Variants in IL6ST observed in about 807,000 individuals in gnomAD.
The protein encoded by IL6ST is interleukin 6 cytokine family signal transducer, also known as interleukin-6 receptor subunit beta.
A neutral mutation model predicts 91.3 loss-of-function variants in IL6ST; 24 were observed. The observed-to-expected ratio is 0.26, with a 90% CI of 0.19 to 0.37. The LOEUF (loss-of-function observed/expected upper bound fraction) is 0.37. Ranked by LOEUF, IL6ST falls within the 10% of genes least tolerant of loss-of-function variation. The probability of loss-of-function intolerance (pLI) is 1.00; values close to 1 mark genes in which losing one functional copy is unlikely to be tolerated. For missense variants in IL6ST, 914 were observed against 1,078.5 expected (o/e 0.85, Z 2.14); for synonymous variants, 351 against 373.6 (o/e 0.94, Z 0.70).
intron 1 of IL6ST, among the ~76,000 whole-genome samples, chr5:55,992,736 G>A (rs1172937952): frequency 6.6e-6 from 1 of 151,982 alleles, no homozygotes; most frequent in African/African-American, 2.4e-5. Context: ...TCCTACCCAG[G>A]TTTCAAGGCC....
At chr5:55,948,192 CTAAAAAG>C (rs1271584634) in intron 14 of IL6ST, among the ~76,000 whole-genome samples, 2 of 152,096 alleles carry the variant, frequency 1.3e-5, no homozygotes, top group Non-Finnish European at 2.9e-5. Flanking sequence ...TAGGAATAAA[CTAAAAAG>C]TAAACAAGCC....
chr5:55,954,408 C>T (rs1751832389), intron 11 of IL6ST, among the ~76,000 whole-genome samples: 1 of 152,202 alleles, frequency 6.6e-6, no homozygotes, highest in African/African-American at 2.4e-5. Flanking sequence ...TCTAGTTCTG[C>T]TTCCTCTATC....
chr5:55,977,802 G>A (rs1180278721), intron 2 of IL6ST, among the ~76,000 whole-genome samples: 1 of 151,938 alleles, frequency 6.6e-6, no homozygotes, highest in Non-Finnish European at 1.5e-5. Flanking sequence ...CTCCAGCATG[G>A]GCAACAGAGC....
chr5:55,958,808 C>T (rs149858803), intron 8 of IL6ST, among the ~76,000 whole-genome samples: 1 of 145,154 alleles, frequency 6.9e-6, no homozygotes, highest in African/African-American at 2.6e-5. Flanking sequence ...CACTGCACTC[C>T]AGCCTGGGCA....
chr5:55,964,349 C>T (rs757262781), intron 5 of IL6ST, 37 bp from the exon 6 acceptor site: 7 of 1,491,244 alleles, frequency 4.7e-6, no homozygotes, highest in African/African-American at 1.4e-5. Flanking sequence ...TCATTAAAAA[C>T]ACATCTGAAA....
chr5:55,983,718 T>C (rs1010351188), intron 1 of IL6ST, among the ~76,000 whole-genome samples: 2 of 152,224 alleles, frequency 1.3e-5, no homozygotes, highest in Non-Finnish European at 2.9e-5. Context: ...AAGTGCACTA[T>C]AATCCCACCA....
In IL6ST at chr5:55,942,738, T is replaced by C; in HGVS notation, c.1951A>G (p.Ile651Val). ...GAAGGATCTGGAACATTAGGCCAGA[T>C]GTGTTTTTTAATTCTGAAGAGAAAA... is the stretch of plus-strand genomic sequence containing the variant. ...FNKRDLIKKH[I>V]WPNVPDPSKS... The change falls in exon 16 of 17, where the codon ATC becomes GTC. Residue 651 changes from isoleucine (I) to valine (V), a missense_variant. Coordinates refer to ENST00000381298, the MANE Select transcript of IL6ST (RefSeq NM_002184.4). The C allele has an allele frequency of 6.2e-7, 1 of 1,604,416 alleles. No homozygotes were observed. Among genetic ancestry groups the C allele is most frequent in the East Asian group, 2.2e-5 (1 of 44,704 alleles).
rs1440199589 is a variant in IL6ST, at chr5:55,939,008, A to C, written c.*2074T>G. 1 of 205,090 alleles carries C rather than the reference A, an allele frequency of 4.9e-6. No homozygotes were observed. Among genetic ancestry groups the C allele is most frequent in the Non-Finnish European group, 1.0e-5 (1 of 100,204 alleles). 12.7% of individuals were successfully genotyped at this position (205,090 alleles called of 1,614,324 possible). A position where few individuals can be genotyped will look rare whatever the true frequency, so the allele number is the denominator to read the frequency against. On this transcript the variant is annotated 3_prime_UTR_variant, in exon 17 of 17. Transcript: ENST00000381298. ...TGTAGATTAAGAGTTCATATTGTAT[A>C]TCTGACCCTGAAATGTACAAACTTC...
intron 5 of IL6ST, among the ~76,000 whole-genome samples, chr5:55,967,667 C>T (rs11739048): frequency 0.24 from 36,614 of 151,740 alleles, 6,915 homozygotes; most frequent in African/African-American, 0.53. Flanking sequence ...ATATGATGCC[C>T]GCGATTCTCT....
chr5:55,990,097 C>T (rs1754225692), intron 1 of IL6ST, among the ~76,000 whole-genome samples: 1 of 152,156 alleles, frequency 6.6e-6, no homozygotes, highest in Non-Finnish European at 1.5e-5. Context: ...CCAAATGTAA[C>T]AGGGCAACAG....
At chr5:55,992,079 C>T (rs187912671) in intron 1 of IL6ST, among the ~76,000 whole-genome samples, 2 of 152,314 alleles carry the variant, frequency 1.3e-5, no homozygotes, top group Admixed American at 1.3e-4. Context: ...CTCTGCTGTG[C>T]ACTACAAACT....
At chr5:55,985,340 C>A (rs1561204708) in intron 1 of IL6ST, among the ~76,000 whole-genome samples, 1 of 151,822 alleles carries the variant, frequency 6.6e-6, no homozygotes, top group Non-Finnish European at 1.5e-5. Context: ...TATGGTGAAA[C>A]CCTGTCTCTA....
chr5:55,945,700 G>C (rs1323211856), intron 15 of IL6ST, among the ~76,000 whole-genome samples: 3 of 121,206 alleles, frequency 2.5e-5, no homozygotes, highest in Non-Finnish European at 4.9e-5. Context: ...ACCCAGGTTG[G>C]AGTGCAGTGA....
In IL6ST at chr5:55,938,998, C is replaced by T. The variant is rs72763898; in HGVS notation, c.*2084G>A. On this transcript the variant is annotated 3_prime_UTR_variant, in exon 17 of 17. Transcript: ENST00000381298. The stretch of plus-strand genomic sequence containing the variant: ...TTCTCATTCCTGTAGATTAAGAGTT[C>T]ATATTGTATATCTGACCCTGAAATG... The T allele has an allele frequency of 3.5e-4, 72 of 205,320 alleles. No homozygotes were observed. The highest frequency in any genetic ancestry group is 5.5e-4 in the Non-Finnish European group (55 of 100,316). The allele number at this position is 205,320 out of a possible 1,614,324, so 12.7% of individuals were successfully genotyped here. A position where few individuals can be genotyped will look rare whatever the true frequency, so the allele number is the denominator to read the frequency against.
intron 2 of IL6ST, among the ~76,000 whole-genome samples, chr5:55,981,254 G>C (rs1040372107): frequency 6.6e-6 from 1 of 152,182 alleles, no homozygotes; most frequent in East Asian, 1.9e-4. Flanking sequence ...TATGGGACTT[G>C]ATTTCATAGT....
At chr5:55,984,386 T>C (rs1244488266) in intron 1 of IL6ST, among the ~76,000 whole-genome samples, 1 of 152,168 alleles carries the variant, frequency 6.6e-6, no homozygotes, top group African/African-American at 2.4e-5. Context: ...TATGGGCAGA[T>C]TTAATTGGAT....
rs534075368 is a variant in IL6ST, at chr5:55,935,255, A to G, written c.*5827T>C. The G allele has an allele frequency of 5.4e-6, 1 of 185,036 alleles. No individual in the cohort carries two copies. The highest frequency in any genetic ancestry group is 8.8e-5 in the East Asian group (1 of 11,404). The allele number at this position is 185,036 out of a possible 1,614,324, so 11.5% of individuals were successfully genotyped here. On this transcript the variant is annotated 3_prime_UTR_variant, in exon 17 of 17. Transcript: ENST00000381298. Reference sequence around the variant, plus strand: ...AATTCTCACTAAAAAAAGCTCAAAAATAAGAAATGACAATTCTAGATACAC... The same window carrying G: ...AATTCTCACTAAAAAAAGCTCAAAAGTAAGAAATGACAATTCTAGATACAC...
chr5:55,957,384 T>C, intron 8 of IL6ST, 93 bp from the exon 9 acceptor site: 1 of 625,562 alleles, frequency 1.6e-6, no homozygotes, highest in Non-Finnish European at 2.7e-6. Context: ...CTTAATACTC[T>C]TGCCCTCCAA....
At chr5:55,952,680 A>C (rs1409867353) in intron 11 of IL6ST, among the ~76,000 whole-genome samples, 1 of 152,244 alleles carries the variant, frequency 6.6e-6, no homozygotes, top group African/African-American at 2.4e-5. Flanking sequence ...AAGAGAGAAC[A>C]GCCTAAGGAG....
Sources: gnomAD v4.1 joint callset for allele counts (sites outside exome capture counted in the v4.1 genomes callset) on GRCh38, gnomAD v4.1.1 for gene constraint, MANE v1.5 for transcripts, NCBI Gene and HGNC (gene_info 2026-07-23, HGNC 2026-07-21) for gene names.